Variants in TIGD2 observed in about 807,000 individuals in gnomAD.
The protein encoded by TIGD2 is tigger transposable element-derived protein 2.
Under a neutral mutation model 27.0 loss-of-function variants are expected in TIGD2, and 14 were observed. That is an observed-to-expected ratio of 0.52 (90% CI 0.34 to 0.81). The LOEUF is 0.81. Ranked by LOEUF, TIGD2 falls within the 30% of genes least tolerant of loss-of-function variation. The pLI is 0.01. For synonymous variants in TIGD2, 201 were observed against 209.0 expected, an observed-to-expected ratio of 0.96 and a Z score of 0.33; for missense variants, 590 against 617.3, an observed-to-expected ratio of 0.96 and a Z score of 0.47.
At chr4:89,111,364 G>T (rs368857898), upstream of TIGD2, 3 of 341,366 alleles carry the variant, frequency 8.8e-6, no homozygotes, top group East Asian at 3.3e-4. Flanking sequence ...CCCCGAAACG[G>T]CCAGGCGGTG....
chr4:89,114,238 C>CA lies in TIGD2; in HGVS notation c.1265dup (p.His422GlnfsTer3). 1.2e-6 allele frequency: 2 copies of CA among 1,614,120 alleles called. No individual in the cohort carries two copies. The highest frequency in any genetic ancestry group is 4.5e-5 in the East Asian group (2 of 44,880). ...TTTACAGAACACAGAAGAATGTGAACATGTTGACATTGAGAATATTGATCA... is the reference window on the plus strand; with the variant it reads ...TTTACAGAACACAGAAGAATGTGAACAATGTTGACATTGAGAATATTGATCA... On this transcript the variant is annotated frameshift_variant, in exon 2 of 2. Coordinates refer to ENST00000603357, the MANE Select transcript of TIGD2 (RefSeq NM_145715.3). LOFTEE classifies it high-confidence loss of function.
Position 89,112,855 on chromosome 4 carries a change from AT to A in TIGD2, c.-119del. The A allele has an allele frequency of 2.3e-6, 2 of 859,838 alleles. No homozygotes were observed. Among genetic ancestry groups the A allele is most frequent in the Non-Finnish European group, 3.6e-6 (2 of 562,360 alleles). The allele number at this position is 859,838 out of a possible 1,614,324, so 53.3% of individuals were successfully genotyped here. A position where few individuals can be genotyped will look rare whatever the true frequency, so the allele number is the denominator to read the frequency against. ...CTTGTCAGGAAATTGGTCACTATCCATCTAGGCCCTAGAAGTGAGAGGAGGA... is the reference window on the plus strand; with the variant it reads ...CTTGTCAGGAAATTGGTCACTATCCACTAGGCCCTAGAAGTGAGAGGAGGA... On this transcript the variant is annotated 5_prime_UTR_variant, in exon 2 of 2. Transcript: ENST00000603357.
Position 89,114,523 on chromosome 4 carries a change from CAGA to C in TIGD2, c.1553_1555del (p.Lys518del). 1 of 1,584,954 alleles carries C rather than the reference CAGA, an allele frequency of 6.3e-7. No individual in the cohort carries two copies. The highest frequency in any genetic ancestry group is 2.3e-5 in the East Asian group (1 of 44,342). ...GCTTCGGACCATAATAAGAAAAAAA[CAGA>C]AGATCCAAAATAACAAAAATCATTA... On this transcript the variant is annotated inframe_deletion, in exon 2 of 2. Transcript: ENST00000603357.
At position 89,114,097 on chromosome 4, in the gene TIGD2, A is replaced by G. The variant is rs759340417; in HGVS notation, c.1123A>G (p.Met375Val). 3.4e-5 allele frequency: 55 copies of G among 1,614,176 alleles called. 1 individual carries two copies. In the South Asian group the frequency reaches 3.7e-4, roughly 11 times the overall value. ...TTATGAAGTGTCAAGAGCTTGGAAC[A>G]TGGTAAAATCAAGTACCATAACCAA... ...AIYEVSRAWN[M>V]VKSSTITKAW... The change falls in exon 2 of 2, where the codon ATG becomes GTG. Residue 375 changes from methionine (M) to valine (V), a missense_variant. Physicochemically the swap from Met to Val is conservative, Grantham distance 21. This residue lies in a region of TIGD2 where 451 missense variants were observed against 448.0 expected (regional missense o/e 1.01). Coordinates refer to ENST00000603357, the MANE Select transcript of TIGD2 (RefSeq NM_145715.3).
upstream of TIGD2, chr4:89,111,190 C>A (rs544978012): frequency 2.0e-6 from 2 of 985,562 alleles, no homozygotes; most frequent in African/African-American, 1.7e-5. Flanking sequence ...AGCCCGCTCC[C>A]GGCACGCGAG....
rs12647095 is a variant in TIGD2 at position 89,112,089 on chromosome 4, C to A, written c.-886C>A. The stretch of plus-strand genomic sequence containing the variant: ...TAGGTTTCGGAGCCTCCGAGTATCT[C>A]TACAGCCCCCACAGGAACTGCTTCT... On this transcript the variant is annotated 5_prime_UTR_variant, in exon 2 of 2. Transcript: ENST00000603357. The A allele has an allele frequency of 0.89, 135,478 of 152,204 alleles. 60,387 individuals are homozygous for A. The highest frequency in any genetic ancestry group is 0.97 in the South Asian group (4,682 of 4,822). 9.4% of individuals were successfully genotyped at this position (152,204 alleles called of 1,614,324 possible). A position where few individuals can be genotyped will look rare whatever the true frequency, so the allele number is the denominator to read the frequency against.
Position 89,112,772 on chromosome 4 carries a change from C to T in TIGD2, c.-203C>T, listed in dbSNP as rs1721124212. On this transcript the variant is annotated 5_prime_UTR_variant, in exon 2 of 2. Coordinates refer to ENST00000603357, the MANE Select transcript of TIGD2 (RefSeq NM_145715.3). ...GATAGAAGATAAGAGTTAATTGGCG[C>T]TAGGCTTTGTTGTAGGAAGTTTGTA... The T allele has an allele frequency of 2.1e-5, 11 of 525,702 alleles. No homozygotes were observed. In the East Asian group the frequency reaches 3.4e-4, roughly 16 times the overall value. The allele number at this position is 525,702 out of a possible 1,614,324, so 32.6% of individuals were successfully genotyped here.
Position 89,113,461 on chromosome 4 carries a change from G to T in TIGD2, c.487G>T (p.Val163Phe). ...REFCGSFQEF[V>F]EKENLQPEQI... ...ATTTTGTGGTAGCTTTCAGGAATTT[G>T]TTGAAAAAGAGAATCTACAACCAGA... The change falls in exon 2 of 2, where the codon GTT becomes TTT. Residue 163 changes from valine (V) to phenylalanine (F), a missense_variant. By Grantham distance (50) the Val-to-Phe change is conservative. Transcript: ENST00000603357. 6.2e-7 allele frequency: 1 copy of T among 1,614,042 alleles called. No homozygotes were observed. The highest frequency in any genetic ancestry group is 8.5e-7 in the Non-Finnish European group (1 of 1,179,954).
chr4:89,112,967 C>T lies in TIGD2; in HGVS notation c.-8C>T. 1.3e-6 allele frequency: 2 copies of T among 1,543,474 alleles called. No homozygotes were observed. The highest frequency in any genetic ancestry group is 8.7e-7 in the Non-Finnish European group (1 of 1,147,928). On this transcript the variant is annotated 5_prime_UTR_variant, in exon 2 of 2. Coordinates refer to ENST00000603357, the MANE Select transcript of TIGD2 (RefSeq NM_145715.3). ...TCTAGTAATCACCTAAAATATTAGA[C>T]ACTTAAAATGTTGGGGAAACGTAAG...
In TIGD2 at chr4:89,111,569, C is replaced by T. The variant is rs1427046289; in HGVS notation, c.-1223C>T. On this transcript the variant is annotated 5_prime_UTR_variant, in exon 1 of 2. Transcript: ENST00000603357. ...TTCCGGCTCCGGCGGCGACGCTCGT[C>T]CCTCTCCGCTCGTCCCTCGCCGCTG... 2.0e-5 allele frequency: 3 copies of T among 152,488 alleles called. No individual in the cohort carries two copies. Among genetic ancestry groups the T allele is most frequent in the Non-Finnish European group, 4.4e-5 (3 of 68,362 alleles). 9.4% of individuals were successfully genotyped at this position (152,488 alleles called of 1,614,324 possible). A position where few individuals can be genotyped will look rare whatever the true frequency, so the allele number is the denominator to read the frequency against.
upstream of TIGD2, chr4:89,111,277 C>A (rs1422540885): frequency 1.1e-6 from 1 of 937,056 alleles, no homozygotes; most frequent in African/African-American, 1.8e-5. Flanking sequence ...GCCTCGTCGG[C>A]AGAGCCGGGC....
chr4:89,113,507 A>G lies in TIGD2; in HGVS notation c.533A>G (p.Gln178Arg). The G allele has an allele frequency of 6.2e-7, 1 of 1,614,104 alleles. No homozygotes were observed. Among genetic ancestry groups the G allele is most frequent in the Non-Finnish European group, 8.5e-7 (1 of 1,179,968 alleles). ...LQPEQIYGADQTGLFWKCLPS... is the reference protein window; with the variant it reads ...LQPEQIYGADRTGLFWKCLPS... ...CCAGAGCAAATTTATGGTGCTGATC[A>G]AACTGGATTGTTTTGGAAATGTCTA... The change falls in exon 2 of 2, where the codon CAA (glutamine) becomes CGA (arginine). Residue 178 changes from glutamine (Q) to arginine (R), a missense_variant. Physicochemically the swap from Gln to Arg is conservative, Grantham distance 43. Transcript: ENST00000603357.
rs994082568 is a variant in TIGD2, at chr4:89,112,840, A to T, written c.-135A>T. ...TAGATTCACGTAGACCTTGTCAGGA[A>T]ATTGGTCACTATCCATCTAGGCCCT... is the stretch of plus-strand genomic sequence containing the variant. On this transcript the variant is annotated 5_prime_UTR_variant, in exon 2 of 2. Coordinates refer to ENST00000603357, the MANE Select transcript of TIGD2 (RefSeq NM_145715.3). 6 of 699,910 alleles carry T rather than the reference A, an allele frequency of 8.6e-6. No individual in the cohort carries two copies. The highest frequency in any genetic ancestry group is 1.8e-5 in the African/African-American group (1 of 54,944). 43.4% of individuals were successfully genotyped at this position (699,910 alleles called of 1,614,324 possible).
upstream of TIGD2, chr4:89,111,372 G>A (rs1721047432): frequency 3.4e-6 from 1 of 293,230 alleles, no homozygotes. Context: ...CGGCCAGGCG[G>A]TGAGTGGAAC....
At position 89,113,933 on chromosome 4, in the gene TIGD2, C is replaced by G; in HGVS notation, c.959C>G (p.Thr320Arg). Residue 320 changes from threonine to arginine, a missense_variant, in exon 2 of 2, where the codon ACA becomes AGA. Physicochemically the swap from Thr to Arg is moderately conservative, Grantham distance 71. This residue lies in a region of TIGD2 where 451 missense variants were observed against 448.0 expected (regional missense o/e 1.01). Coordinates refer to ENST00000603357, the MANE Select transcript of TIGD2 (RefSeq NM_145715.3). ...GTGAAGTATTTGCCACCAAATGTCA[C>G]AAGTCTGATTCAACCAATGAGCCAG... ...IIVKYLPPNV[T>R]SLIQPMSQGV... The G allele has an allele frequency of 6.2e-7, 1 of 1,614,084 alleles. No homozygotes were observed.
chr4:89,114,648 C>G lies in TIGD2; in HGVS notation c.*96C>G. ...GTCCTGTGGATTCCAAAGCCAAATA[C>G]ATTTTATAAATGATTTTGGAATTAG... is the stretch of plus-strand genomic sequence containing the variant. On this transcript the variant is annotated 3_prime_UTR_variant, in exon 2 of 2. Coordinates refer to ENST00000603357, the MANE Select transcript of TIGD2 (RefSeq NM_145715.3). 7.9e-7 allele frequency: 1 copy of G among 1,268,708 alleles called. No individual in the cohort carries two copies. Among genetic ancestry groups the G allele is most frequent in the Non-Finnish European group, 1.1e-6 (1 of 924,072 alleles). The allele number at this position is 1,268,708 out of a possible 1,614,324, so 78.6% of individuals were successfully genotyped here. A position where few individuals can be genotyped will look rare whatever the true frequency, so the allele number is the denominator to read the frequency against.
chr4:89,112,660 A>C lies in TIGD2; in HGVS notation c.-315A>C. On this transcript the variant is annotated 5_prime_UTR_variant, in exon 2 of 2. Transcript: ENST00000603357. ...TGGCAAGAATTGAGTATGCAATAGT[A>C]CTGTTTTAGAAGCCTTACCAGTACA... The C allele has an allele frequency of 4.2e-6, 1 of 237,712 alleles. No homozygotes were observed. Among genetic ancestry groups the C allele is most frequent in the Non-Finnish European group, 8.0e-6 (1 of 124,662 alleles). 14.7% of individuals were successfully genotyped at this position (237,712 alleles called of 1,614,324 possible). A position where few individuals can be genotyped will look rare whatever the true frequency, so the allele number is the denominator to read the frequency against.
rs539533845 is a variant in TIGD2 at position 89,114,278 on chromosome 4, G to A, written c.1304G>A (p.Arg435Gln). Residue 435 changes from arginine (R) to glutamine (Q), a missense_variant, in exon 2 of 2, where the codon CGG becomes CAG. By Grantham distance (43) the Arg-to-Gln change is conservative. Coordinates refer to ENST00000603357, the MANE Select transcript of TIGD2 (RefSeq NM_145715.3). ...IENIDQWFDS[R>Q]SSDSSCQVLT... Reference sequence around the variant, plus strand: ...AATATTGATCAGTGGTTCGACTCTCGGAGCAGTGACTCAAGCTGTCAGGTG... The same window carrying A: ...AATATTGATCAGTGGTTCGACTCTCAGAGCAGTGACTCAAGCTGTCAGGTG... 2.3e-5 allele frequency: 37 copies of A among 1,613,946 alleles called. No homozygotes were observed. The highest frequency in any genetic ancestry group is 8.0e-5 in the African/African-American group (6 of 74,908).
chr4:89,113,292 C>G lies in TIGD2; in HGVS notation c.318C>G (p.Ala106=). The change falls in exon 2 of 2, where the codon GCC becomes GCG. Residue 106 remains alanine, a synonymous_variant. Transcript: ENST00000603357. The stretch of plus-strand genomic sequence containing the variant: ...CCGGAACGATTTGTGCAAAACAAGC[C>G]AAGTTCTTTTTTGATGCTTTGGGAA... ...PVSGTICAKQ[A]KFFFDALGME... The G allele has an allele frequency of 1.2e-6, 2 of 1,614,042 alleles. No homozygotes were observed. Among genetic ancestry groups the G allele is most frequent in the Non-Finnish European group, 1.7e-6 (2 of 1,180,018 alleles).
Sources: allele counts gnomAD v4.1 joint callset, GRCh38; gene constraint gnomAD v4.1.1; regional missense constraint gnomAD v4.1.1; transcripts MANE v1.5; gene names NCBI Gene and HGNC (gene_info 2026-07-23, HGNC 2026-07-21).